Variants in RALYL observed in about 807,000 individuals in gnomAD.
RALYL encodes the protein RNA-binding Raly-like protein.
In RALYL, 29 loss-of-function variants were observed where a neutral mutation model predicts 35.1. The observed-to-expected ratio is 0.83, with a 90% CI of 0.61 to 1.13. The LOEUF (loss-of-function observed/expected upper bound fraction) is 1.13, where lower values mean the gene tolerates loss of function less well. Among genes scored for constraint, RALYL ranks in the 50% most tolerant of loss-of-function variants. RALYL has a pLI of 0.00. For synonymous variants in RALYL, 120 were observed against 127.6 expected (o/e 0.94, Z 0.40); for missense variants, 359 against 360.4 (o/e 1.00, Z 0.03).
intron 1 of RALYL, among the ~76,000 whole-genome samples, chr8:84,424,570 CA>C (rs1242766876): frequency 6.6e-6 from 1 of 151,328 alleles, no homozygotes; most frequent in Non-Finnish European, 1.5e-5. Flanking sequence ...ATTCTCCATC[CA>C]GCTTTGTTCT....
rs187664951 is a variant in RALYL, at chr8:84,469,517, C to T, written c.-23-59782C>T. On this transcript the variant is annotated intron_variant, in intron 1 of 8. Transcript: ENST00000521268. ...CTGCCCGTCCTGAGATCTCCAGCTGCGTCCTGGGAGAACCACTGCTCTCTT... is the reference window on the plus strand; with the variant it reads ...CTGCCCGTCCTGAGATCTCCAGCTGTGTCCTGGGAGAACCACTGCTCTCTT... 7.3e-3 allele frequency among the ~76,000 whole-genome samples: 1,109 copies of T among 152,228 alleles called. 14 individuals carry two copies. Among genetic ancestry groups the T allele is most frequent in the African/African-American group, 0.024 (986 of 41,566 alleles).
At chr8:84,757,862 T>C (rs1811795627) in intron 2 of RALYL, among the ~76,000 whole-genome samples, 1 of 152,128 alleles carries the variant, frequency 6.6e-6, no homozygotes, top group South Asian at 2.1e-4. Context: ...TTAGAGAATA[T>C]TTCTATATGG....
intron 1 of RALYL, among the ~76,000 whole-genome samples, chr8:84,372,961 T>C (rs1229870204): frequency 6.7e-6 from 1 of 148,288 alleles, no homozygotes; most frequent in African/African-American, 2.5e-5. Context: ...TGGTATCTCA[T>C]TGTGGTTTTG....
intron 1 of RALYL, among the ~76,000 whole-genome samples, chr8:84,311,053 C>CAAAAAAAAAAAAAAAAA (rs34029529): frequency 4.2e-4 from 4 of 9,530 alleles, no homozygotes; most frequent in African/African-American, 1.7e-3. Flanking sequence ...GACTCCGTCT[C>CAAAAAAAAAAAAAAAAA]AAAAAAAAAA....
chr8:84,620,807 C>T (rs571959439), intron 2 of RALYL, among the ~76,000 whole-genome samples: 2 of 152,066 alleles, frequency 1.3e-5, no homozygotes, highest in African/African-American at 2.4e-5. Context: ...AGTTTTCCTT[C>T]TAACAGACAG....
chr8:84,622,780 A>T (rs546047385), intron 2 of RALYL, among the ~76,000 whole-genome samples: 3 of 152,358 alleles, frequency 2.0e-5, no homozygotes, highest in Non-Finnish European at 4.4e-5. Flanking sequence ...TGGGAAATAA[A>T]GGAAACAACA....
intron 1 of RALYL, among the ~76,000 whole-genome samples, chr8:84,477,050 A>T (rs1389636112): frequency 6.6e-6 from 1 of 152,176 alleles, no homozygotes; most frequent in Non-Finnish European, 1.5e-5. Context: ...AAACATGGTG[A>T]TAAATTTGAA....
intron 1 of RALYL, among the ~76,000 whole-genome samples, chr8:84,371,334 C>T (rs76637181): frequency 2.2e-3 from 328 of 152,024 alleles, no homozygotes; most frequent in African/African-American, 7.6e-3. Flanking sequence ...TAACGTATTT[C>T]GTGATGCACG....
chr8:84,566,883 T>C (rs759678988), intron 2 of RALYL, among the ~76,000 whole-genome samples: 9 of 151,708 alleles, frequency 5.9e-5, no homozygotes, highest in African/African-American at 1.4e-4. Flanking sequence ...TGTCTATGAT[T>C]ATATTAGATT....
intron 1 of RALYL, among the ~76,000 whole-genome samples, chr8:84,450,962 A>G (rs2049403860): frequency 6.6e-6 from 1 of 152,042 alleles, no homozygotes; most frequent in Non-Finnish European, 1.5e-5. Flanking sequence ...TCTGTTCCCA[A>G]TGCTCAGGAG....
chr8:84,250,271 A>T (rs889438350), intron 1 of RALYL, among the ~76,000 whole-genome samples: 1 of 152,192 alleles, frequency 6.6e-6, no homozygotes, highest in Non-Finnish European at 1.5e-5. Flanking sequence ...TGGTACTAAG[A>T]AAAGCTTCAG....
chr8:84,727,743 G>A (rs906807257), intron 2 of RALYL, among the ~76,000 whole-genome samples: 1 of 151,120 alleles, frequency 6.6e-6, no homozygotes, highest in East Asian at 2.0e-4. Flanking sequence ...TTGTTCTTGC[G>A]ATAGTTTACT....
intron 1 of RALYL, among the ~76,000 whole-genome samples, chr8:84,431,870 A>C (rs2047181473): frequency 6.6e-6 from 1 of 152,174 alleles, no homozygotes; most frequent in Admixed American, 6.6e-5. Flanking sequence ...AGAGATCTCT[A>C]TAACATACTG....
chr8:84,730,600 T>A (rs1341581507), intron 2 of RALYL, among the ~76,000 whole-genome samples: 1 of 152,168 alleles, frequency 6.6e-6, no homozygotes, highest in Non-Finnish European at 1.5e-5. Context: ...AAATTGTCCC[T>A]GTTGGCAGAC....
At chr8:84,203,466 A>G (rs1422483254) in intron 1 of RALYL, among the ~76,000 whole-genome samples, 1 of 152,176 alleles carries the variant, frequency 6.6e-6, no homozygotes, top group Non-Finnish European at 1.5e-5. Flanking sequence ...TAGTGATAGT[A>G]AAAAGTGGTG....
rs116872599 is a variant in RALYL, at chr8:84,457,571, T to A, written c.-23-71728T>A. On this transcript the variant is annotated intron_variant, in intron 1 of 8. Coordinates refer to ENST00000521268, the MANE Select transcript of RALYL (RefSeq NM_173848.7). ...CAAGAATTGAATCACTTTCTGATTG[T>A]TCTGTATGACATCATTGTAGATGTA... Among the ~76,000 whole-genome samples the A allele has an allele frequency of 1.4e-3, 219 of 152,100 alleles. 5 individuals carry two copies. The East Asian group carries it at 0.03, about 21-fold the overall frequency.
At chr8:84,249,411 A>G (rs1829749926) in intron 1 of RALYL, among the ~76,000 whole-genome samples, 1 of 152,182 alleles carries the variant, frequency 6.6e-6, no homozygotes, top group East Asian at 1.9e-4. Flanking sequence ...AGAAGAAAAC[A>G]TAGTATAACC....
intron 8 of RALYL, among the ~76,000 whole-genome samples, chr8:84,913,637 C>A (rs189489594): frequency 6.6e-6 from 1 of 151,924 alleles, no homozygotes; most frequent in Admixed American, 6.6e-5. Context: ...TTTCCAATTC[C>A]TTCTACATCT....
intron 1 of RALYL, among the ~76,000 whole-genome samples, chr8:84,505,535 G>T (rs2057094105): frequency 6.6e-6 from 1 of 151,992 alleles, no homozygotes; most frequent in Admixed American, 6.6e-5. Context: ...ACAGAATAAT[G>T]TGAACATTTT....
Sources: gnomAD v4.1 joint callset for allele counts (sites outside exome capture counted in the v4.1 genomes callset) on GRCh38, gnomAD v4.1.1 for gene constraint, MANE v1.5 for transcripts, NCBI Gene and HGNC (gene_info 2026-07-23, HGNC 2026-07-21) for gene names.